SAMD4A: variants seen among roughly 807,000 people sequenced by gnomAD.
SAMD4A encodes sterile alpha motif domain containing 4A, also known as protein Smaug homolog 1.
SAMD4A carries 33 observed loss-of-function variants against 81.3 expected under a neutral mutation model. The ratio of observed to expected loss-of-function variants is 0.41; its 90% CI spans 0.31 to 0.54. SAMD4A has a LOEUF of 0.54. Among genes scored for constraint, SAMD4A ranks in the 20% least tolerant of loss-of-function variants. The pLI is 0.37. For missense variants in SAMD4A, 854 were observed against 951.1 expected (o/e 0.90, Z 1.34); for synonymous variants, 389 against 382.1 (o/e 1.02, Z -0.21).
At chr14:54,749,841 G>C (rs923326452) in intron 5 of SAMD4A, among the ~76,000 whole-genome samples, 15 of 152,228 alleles carry the variant, frequency 9.9e-5, no homozygotes, top group African/African-American at 3.6e-4. Flanking sequence ...GCAGGAAAAG[G>C]AGATTGTACC....
chr14:54,634,438 C>CTTTT lies in SAMD4A; in HGVS notation c.196+66327_196+66328insTTTT, dbSNP rs2034982435. Reference sequence around the variant, plus strand: ...TCCCCCACCTTTTTGGCACCAGGGACTGGTTTCATGGAAGACAAAGTTTCC... The same window carrying CTTTT: ...TCCCCCACCTTTTTGGCACCAGGGACTTTTTGGTTTCATGGAAGACAAAGTTTCC... On this transcript the variant is annotated intron_variant, in intron 2 of 12. Transcript: ENST00000554335. 3.3e-5 allele frequency among the ~76,000 whole-genome samples: 5 copies of CTTTT among 152,090 alleles called. 1 individual carries two copies. In the South Asian group the frequency reaches 1.0e-3, roughly 32 times the overall value.
intron 3 of SAMD4A, among the ~76,000 whole-genome samples, chr14:54,722,760 G>A (rs958279647): frequency 2.0e-5 from 3 of 152,124 alleles, no homozygotes; most frequent in East Asian, 1.9e-4. Flanking sequence ...GAGTTAACTC[G>A]GGGGTAAATA....
intron 2 of SAMD4A, chr14:54,652,664 T>A (rs1404886078): frequency 5.3e-5 from 8 of 152,164 alleles, no homozygotes; most frequent in Non-Finnish European, 1.0e-4. Flanking sequence ...TTTTAAAGGT[T>A]ACAGACCCTT....
intron 2 of SAMD4A, among the ~76,000 whole-genome samples, chr14:54,620,512 G>C (rs1475648289): frequency 1.3e-5 from 2 of 152,150 alleles, no homozygotes; most frequent in South Asian, 4.1e-4. Flanking sequence ...CTCCAAATGA[G>C]GCAAATGATA....
In SAMD4A at chr14:54,752,333, G is replaced by A. The variant is rs572073069; in HGVS notation, c.1176+796G>A. ...CAGGCCTCATGCCTCACACAAGTGTGAACCAGCATTGCTTCTGCCTCAGGG... is the reference window on the plus strand; with the variant it reads ...CAGGCCTCATGCCTCACACAAGTGTAAACCAGCATTGCTTCTGCCTCAGGG... On this transcript the variant is annotated intron_variant, in intron 6 of 12. Coordinates refer to ENST00000554335, the MANE Select transcript of SAMD4A (RefSeq NM_015589.6). 3.3e-5 allele frequency among the ~76,000 whole-genome samples: 5 copies of A among 152,264 alleles called. No homozygotes were observed. In the East Asian group the frequency reaches 5.8e-4, roughly 18 times the overall value.
intron 2 of SAMD4A, among the ~76,000 whole-genome samples, chr14:54,569,387 C>T (rs751831536): frequency 6.6e-6 from 1 of 152,194 alleles, no homozygotes; most frequent in East Asian, 1.9e-4. Flanking sequence ...GAAGTGACCG[C>T]TGGAAATCTT....
intron 3 of SAMD4A, among the ~76,000 whole-genome samples, chr14:54,717,067 A>G (rs543842691): frequency 7.7e-4 from 118 of 152,302 alleles, no homozygotes; most frequent in African/African-American, 2.6e-3. Flanking sequence ...ATGCTTGCAA[A>G]GTTGGGAGAA....
At chr14:54,764,393 T>A (rs1309011019) in intron 7 of SAMD4A, 62 bp from the exon 8 acceptor site, 7 of 1,105,992 alleles carry the variant, frequency 6.3e-6, no homozygotes, top group African/African-American at 1.6e-5. Context: ...GAAATGAGAG[T>A]CAGGTCCCAG....
At chr14:54,666,597 C>G (rs2035764258) in intron 2 of SAMD4A, among the ~76,000 whole-genome samples, 1 of 152,172 alleles carries the variant, frequency 6.6e-6, no homozygotes, top group Non-Finnish European at 1.5e-5. Context: ...TTTTGCTTAT[C>G]CTGGCCATTC....
Position 54,682,735 on chromosome 14 carries a change from A to C in SAMD4A, c.197-19327A>C, listed in dbSNP as rs556574136. On this transcript the variant is annotated intron_variant, in intron 2 of 12. Coordinates refer to ENST00000554335, the MANE Select transcript of SAMD4A (RefSeq NM_015589.6). ...AAAAAGATAATGCAGTGGAAGATGA[A>C]CATGTACCAAATTAAAGCGTAAAAG... Among the ~76,000 whole-genome samples, 42 of 152,336 alleles carry C rather than the reference A, an allele frequency of 2.8e-4. 1 individual carries two copies. Among genetic ancestry groups the C allele is most frequent in the Non-Finnish European group, 5.0e-4 (34 of 68,026 alleles).
chr14:54,567,116 C>G (rs905477152), upstream of SAMD4A: 2 of 152,398 alleles, frequency 1.3e-5, no homozygotes, highest in African/African-American at 4.8e-5. Flanking sequence ...ACCCCCACCC[C>G]CGCGCCCCTT....
intron 11 of SAMD4A, among the ~76,000 whole-genome samples, chr14:54,778,374 G>A (rs1370613245): frequency 1.3e-5 from 2 of 152,232 alleles, no homozygotes; most frequent in Admixed American, 6.5e-5. Context: ...GCAATGCCAA[G>A]TGGCTGGCTT....
In SAMD4A at chr14:54,644,259, C is replaced by T. The variant is rs549771485; in HGVS notation, c.197-57803C>T. Among the ~76,000 whole-genome samples, 6 of 152,236 alleles carry T rather than the reference C, an allele frequency of 3.9e-5. No individual in the cohort carries two copies. The East Asian group carries it at 1.2e-3, about 29-fold the overall frequency. ...TAAGGTTACTAACTTGTGGTAAATG[C>T]AAATCTTCTCAAAGATGGGCACTTC... On this transcript the variant is annotated intron_variant, in intron 2 of 12. Transcript: ENST00000554335.
rs2036139326 is a variant in SAMD4A at position 54,682,007 on chromosome 14, G to A, written c.197-20055G>A. The A allele has an allele frequency of 7.1e-6, 7 of 985,284 alleles. No individual in the cohort carries two copies. The South Asian group carries it at 1.4e-4, about 20-fold the overall frequency. 61.0% of individuals were successfully genotyped at this position (985,284 alleles called of 1,614,324 possible). ...TCATAACATGCAGTACCTGGGTCTAGGACTGGCCTTACAGAGTGTTAAGGA... is the reference window on the plus strand; with the variant it reads ...TCATAACATGCAGTACCTGGGTCTAAGACTGGCCTTACAGAGTGTTAAGGA... On this transcript the variant is annotated intron_variant, in intron 2 of 12. Coordinates refer to ENST00000554335, the MANE Select transcript of SAMD4A (RefSeq NM_015589.6).
chr14:54,692,992 T>A (rs1186082344), intron 2 of SAMD4A: 1 of 152,036 alleles, frequency 6.6e-6, no homozygotes, highest in Non-Finnish European at 1.5e-5. Flanking sequence ...CATTCTGCTG[T>A]CTCAGCCTCT....
intron 3 of SAMD4A, among the ~76,000 whole-genome samples, chr14:54,717,603 A>G (rs1209419373): frequency 1.3e-5 from 2 of 152,174 alleles, no homozygotes; most frequent in African/African-American, 4.8e-5. Flanking sequence ...CCACATTTAT[A>G]GATTTGTTTA....
chr14:54,652,747 A>ATAT (rs2035432186), intron 2 of SAMD4A: 1 of 151,972 alleles, frequency 6.6e-6, no homozygotes, highest in African/African-American at 2.4e-5. Context: ...AAATGGTACT[A>ATAT]TATTGTTCCC....
chr14:54,746,052 G>A (rs2037960488), intron 4 of SAMD4A, among the ~76,000 whole-genome samples: 1 of 152,266 alleles, frequency 6.6e-6, no homozygotes, highest in South Asian at 2.1e-4. Context: ...ACAGAATCCA[G>A]CATCCAAGTC....
intron 2 of SAMD4A, among the ~76,000 whole-genome samples, chr14:54,639,688 T>C (rs570299048): frequency 2.6e-5 from 4 of 152,294 alleles, no homozygotes; most frequent in East Asian, 1.9e-4. Context: ...TGCTTTGGGA[T>C]TTCAAACATG....
Sources: allele counts gnomAD v4.1 joint callset (sites outside exome capture counted in the v4.1 genomes callset), GRCh38; gene constraint gnomAD v4.1.1; transcripts MANE v1.5; gene names NCBI Gene and HGNC (gene_info 2026-07-23, HGNC 2026-07-21).